The following NOS1 variants were observed in gnomAD, a reference collection of about 807,000 sequenced individuals.
NOS1 encodes the protein NOS type I.
A neutral mutation model predicts 164.5 loss-of-function variants in NOS1; 51 were observed. That is an observed-to-expected ratio of 0.31 (90% CI 0.25 to 0.39). NOS1 has a LOEUF of 0.39. Among genes scored for constraint, NOS1 ranks in the 10% least tolerant of loss-of-function variants. The probability of loss-of-function intolerance (pLI) is 1.00; values close to 1 mark genes in which losing one functional copy is unlikely to be tolerated. For synonymous variants in NOS1, 719 were observed against 745.8 expected, an observed-to-expected ratio of 0.96 and a Z score of 0.59; for missense variants, 1,362 against 1,885.6, an observed-to-expected ratio of 0.72 and a Z score of 5.14.
chr12:117,296,337 G>C (rs1163061345), intron 3 of NOS1, among the ~76,000 whole-genome samples: 1 of 152,202 alleles, frequency 6.6e-6, no homozygotes, highest in African/African-American at 2.4e-5. Context: ...GTGTCCGTGA[G>C]GGTGTTGCCA....
chr12:117,272,575 G>C lies in NOS1; in HGVS notation c.1665-16C>G, dbSNP rs1192679462. The C allele has an allele frequency of 6.2e-7, 1 of 1,608,966 alleles. No homozygotes were observed. Among genetic ancestry groups the C allele is most frequent in the South Asian group, 1.1e-5 (1 of 90,766 alleles). On this transcript the variant is annotated splice_polypyrimidine_tract_variant and intron_variant, in intron 9 of 28. Transcript: ENST00000317775. This position sits in a 1 kb window ranked among gnomAD's most constrained non-coding sequence, Gnocchi z 4.3. ...CCACTCAAACCTGCAGGGAGCAACA[G>C]GGCCCAGCTCACCCGGAGCAGGTGT...
chr12:117,333,533 G>A (rs1455113403), intron 1 of NOS1, among the ~76,000 whole-genome samples: 1 of 152,140 alleles, frequency 6.6e-6, no homozygotes, highest in Non-Finnish European at 1.5e-5. Context: ...CCCTCAATGG[G>A]GGGGTGTGTG....
At chr12:117,335,748 G>GAGAGAGAGAGAGAGAA (rs1555261709) in intron 1 of NOS1, among the ~76,000 whole-genome samples, 15 of 148,456 alleles carry the variant, frequency 1.0e-4, no homozygotes, top group Non-Finnish European at 1.9e-4. Context: ...GAGAGAGAGA[G>GAGAGAGAGAGAGAGAA]AGAGAGAGAG....
intron 3 of NOS1, among the ~76,000 whole-genome samples, chr12:117,301,717 C>T (rs753611436): frequency 2.6e-5 from 4 of 152,074 alleles, no homozygotes; most frequent in Non-Finnish European, 5.9e-5. Flanking sequence ...CACATCTGTC[C>T]CATTGATTTC....
At chr12:117,215,418 C>T in intron 28 of NOS1, 94 bp from the exon 29 acceptor site, 1 of 1,351,362 alleles carries the variant, frequency 7.4e-7, no homozygotes. Context: ...ATGCTCTGGG[C>T]TCAGGGGCTT....
chr12:117,243,921 T>TATCC lies in NOS1; in HGVS notation c.2824-490_2824-487dup, dbSNP rs1471506312. ...GCAGGCATGCATCCATCCATTCATC[T>TATCC]ATCCATCCATCCATCCTATATATTT... On this transcript the variant is annotated intron_variant, in intron 18 of 28. Transcript: ENST00000317775. The surrounding 1 kb of genome is among the most constrained non-coding windows in gnomAD (Gnocchi z 4.3). Among the ~76,000 whole-genome samples the TATCC allele has an allele frequency of 6.6e-6, 1 of 151,768 alleles. No individual in the cohort carries two copies. Among genetic ancestry groups the TATCC allele is most frequent in the East Asian group, 2.0e-4 (1 of 5,102 alleles).
chr12:117,240,428 G>A (rs1305646734), intron 20 of NOS1, among the ~76,000 whole-genome samples: 1 of 152,146 alleles, frequency 6.6e-6, no homozygotes, highest in Non-Finnish European at 1.5e-5. Context: ...TAAGGAATAC[G>A]GATGGGACTC....
chr12:117,226,858 C>G (rs1445627291), intron 23 of NOS1, 88 bp from the exon 24 acceptor site: 6 of 968,606 alleles, frequency 6.2e-6, no homozygotes, highest in Non-Finnish European at 9.8e-6. Flanking sequence ...ACCCACAGGC[C>G]CAGTGCCAAG....
intron 3 of NOS1, among the ~76,000 whole-genome samples, chr12:117,308,599 A>T (rs1458080631): frequency 1.4e-5 from 2 of 143,486 alleles, no homozygotes; most frequent in African/African-American, 2.5e-5. Flanking sequence ...AGATTATATA[A>T]TTTTTTTTTT....
chr12:117,300,490 G>A (rs1303105278), intron 3 of NOS1, among the ~76,000 whole-genome samples: 1 of 152,182 alleles, frequency 6.6e-6, no homozygotes, highest in Non-Finnish European at 1.5e-5. Flanking sequence ...TTTGGTTGCT[G>A]GCCTCTTGGC....
At position 117,332,995 on chromosome 12, in the gene NOS1, C is replaced by T. The variant is rs940622112; in HGVS notation, c.-420-1506G>A. Among the ~76,000 whole-genome samples the T allele has an allele frequency of 2.6e-5, 4 of 152,288 alleles. No homozygotes were observed. The East Asian group carries it at 7.7e-4, about 29-fold the overall frequency. On this transcript the variant is annotated intron_variant, in intron 1 of 28. Coordinates refer to ENST00000317775, the MANE Select transcript of NOS1 (RefSeq NM_000620.5). ...AAAGAAATGGGGTCTGGTTGGGGTA[C>T]CAAAGGCCAATGGGGGCCCAGCTGG...
chr12:117,233,248 C>T (rs963687255), intron 21 of NOS1, among the ~76,000 whole-genome samples: 3 of 151,688 alleles, frequency 2.0e-5, no homozygotes, highest in African/African-American at 7.3e-5. Context: ...GGCATTTCAC[C>T]ATGTTGGCCA....
At chr12:117,253,952 C>T (rs1196880882) in intron 16 of NOS1, among the ~76,000 whole-genome samples, 198 bp from the exon 17 acceptor site, 1 of 152,168 alleles carries the variant, frequency 6.6e-6, no homozygotes, top group East Asian at 1.9e-4. Context: ...TGTTCATCTG[C>T]ACTTGGTCTT....
intron 2 of NOS1, among the ~76,000 whole-genome samples, chr12:117,329,831 A>G (rs1356633370): frequency 6.6e-6 from 1 of 152,132 alleles, no homozygotes. Flanking sequence ...CGCATCCTGG[A>G]CTGGCTGCAA....
chr12:117,351,810 G>A (rs1030427278), intron 1 of NOS1, among the ~76,000 whole-genome samples: 3 of 152,212 alleles, frequency 2.0e-5, no homozygotes, highest in African/African-American at 7.2e-5. Flanking sequence ...TGAATAAATG[G>A]CAGTGGTTGG....
Position 117,211,678 on chromosome 12 carries a change from C to G in NOS1, c.*3631G>C. On this transcript the variant is annotated 3_prime_UTR_variant, in exon 29 of 29. Coordinates refer to ENST00000317775, the MANE Select transcript of NOS1 (RefSeq NM_000620.5). The stretch of plus-strand genomic sequence containing the variant: ...CTCACTCTTCCCAATTCCTGGACAA[C>G]TCTTACCTTCCAGAAGCTACCAGTG... 1 of 985,496 alleles carries G rather than the reference C, an allele frequency of 1.0e-6. No homozygotes were observed. The highest frequency in any genetic ancestry group is 1.2e-6 in the Non-Finnish European group (1 of 830,032). 61.0% of individuals were successfully genotyped at this position (985,496 alleles called of 1,614,324 possible).
intron 3 of NOS1, among the ~76,000 whole-genome samples, chr12:117,304,042 T>G (rs1340258119): frequency 6.6e-6 from 1 of 151,972 alleles, no homozygotes; most frequent in Non-Finnish European, 1.5e-5. Flanking sequence ...CGTGGCGGCG[T>G]GCGCCTGTAG....
intron 10 of NOS1, among the ~76,000 whole-genome samples, chr12:117,270,696 A>G (rs1460897828): frequency 2.0e-5 from 3 of 152,034 alleles, no homozygotes; most frequent in Non-Finnish European, 2.9e-5. Flanking sequence ...ATCTAAGAAA[A>G]CTGCCTGAAA....
At chr12:117,217,603 G>T (rs1240185150) in intron 28 of NOS1, among the ~76,000 whole-genome samples, 2 of 152,102 alleles carry the variant, frequency 1.3e-5, no homozygotes, top group Non-Finnish European at 2.9e-5. Flanking sequence ...TACTTGGGAG[G>T]CTGAGGCACG....
Sources: allele counts gnomAD v4.1 joint callset (sites outside exome capture counted in the v4.1 genomes callset), GRCh38; gene constraint gnomAD v4.1.1; non-coding constraint Gnocchi (gnomAD v3.1); transcripts MANE v1.5; gene names NCBI Gene and HGNC (gene_info 2026-07-23, HGNC 2026-07-21).